The following C8orf34 variants were observed in gnomAD, a reference collection of about 807,000 sequenced individuals.
C8orf34 encodes the protein uncharacterized protein C8orf34.
C8orf34 carries 65 observed loss-of-function variants against 68.3 expected under a neutral mutation model. That is an observed-to-expected ratio of 0.95 (90% CI 0.78 to 1.17). C8orf34 has a LOEUF of 1.17. Among genes scored for constraint, C8orf34 ranks in the 50% most tolerant of loss-of-function variants. The probability of loss-of-function intolerance (pLI) is 0.00; values close to 1 mark genes in which losing one functional copy is unlikely to be tolerated. For synonymous variants in C8orf34, 244 were observed against 241.2 expected (o/e 1.01, Z -0.11); for missense variants, 664 against 655.4 (o/e 1.01, Z -0.14).
intron 7 of C8orf34, among the ~76,000 whole-genome samples, chr8:68,609,986 T>C (rs1817969047): frequency 6.6e-6 from 1 of 152,104 alleles, no homozygotes; most frequent in South Asian, 2.1e-4. Flanking sequence ...TAGGGATAGA[T>C]AAGGGCTGAG....
Position 68,337,896 on chromosome 8 carries a change from A to G in C8orf34, c.327+6557A>G, listed in dbSNP as rs1238877090. Among the ~76,000 whole-genome samples the G allele has an allele frequency of 2.6e-5, 4 of 152,354 alleles. No individual in the cohort carries two copies. In the East Asian group the frequency reaches 5.8e-4, roughly 22 times the overall value. On this transcript the variant is annotated intron_variant, in intron 1 of 13. Transcript: ENST00000518698. ...TGAAATATCTGAAAAAAATATTTAA[A>G]CAATAAATGCACAAGAGTGCTGGAA...
intron 7 of C8orf34, among the ~76,000 whole-genome samples, chr8:68,562,486 T>TA (rs780893257): frequency 7.9e-5 from 12 of 152,208 alleles, no homozygotes; most frequent in Non-Finnish European, 1.8e-4. Flanking sequence ...TATCAACCTC[T>TA]GAGATTATTT....
At chr8:68,692,369 T>C (rs55691147) in intron 8 of C8orf34, among the ~76,000 whole-genome samples, 11,197 of 152,106 alleles carry the variant, frequency 0.074, 603 homozygotes, top group African/African-American at 0.15. Flanking sequence ...TTTTTTGTAA[T>C]AATACCAAAC....
intron 10 of C8orf34, 141 bp downstream of exon 10, chr8:68,721,578 A>G (rs958019007): frequency 8.3e-6 from 5 of 601,574 alleles, no homozygotes; most frequent in African/African-American, 7.5e-5. Context: ...CAGTTGGGGA[A>G]GAAGACTTGA....
chr8:68,635,773 G>T (rs1818821526), intron 7 of C8orf34, among the ~76,000 whole-genome samples: 1 of 152,146 alleles, frequency 6.6e-6, no homozygotes, highest in African/African-American at 2.4e-5. Context: ...AATGTTAAAA[G>T]GTTGTTATAT....
At chr8:68,419,908 G>A (rs1383528654) in intron 1 of C8orf34, among the ~76,000 whole-genome samples, 3 of 148,518 alleles carry the variant, frequency 2.0e-5, no homozygotes, top group Admixed American at 1.4e-4. Flanking sequence ...CAGCACACCA[G>A]CATGGCACAT....
intron 12 of C8orf34, among the ~76,000 whole-genome samples, chr8:68,802,159 G>T (rs900752612): frequency 2.0e-5 from 3 of 151,956 alleles, no homozygotes; most frequent in Non-Finnish European, 4.4e-5. Flanking sequence ...GGAATGGAAT[G>T]GTGCAATCTT....
At chr8:68,740,181 G>A (rs985311186) in intron 10 of C8orf34, among the ~76,000 whole-genome samples, 4 of 152,022 alleles carry the variant, frequency 2.6e-5, no homozygotes, top group East Asian at 3.9e-4. Context: ...TACCATTCTC[G>A]ACACAGAAAC....
chr8:68,599,524 A>G (rs1817639423), intron 7 of C8orf34, among the ~76,000 whole-genome samples: 2 of 152,062 alleles, frequency 1.3e-5, no homozygotes, highest in Admixed American at 6.6e-5. Flanking sequence ...ATGTGAAAAA[A>G]AAAGTCTAGA....
chr8:68,776,471 T>C, intron 11 of C8orf34, 22 bp downstream of exon 11: 2 of 1,593,954 alleles, frequency 1.3e-6, no homozygotes, highest in Non-Finnish European at 1.7e-6. Context: ...GGTTGCTTTA[T>C]AATGTAGTCT....
chr8:68,535,754 C>T, intron 7 of C8orf34: 1 of 952,360 alleles, frequency 1.1e-6, no homozygotes, highest in Non-Finnish European at 1.2e-6. Flanking sequence ...TTAAATGCTC[C>T]TTATAAATTC....
intron 9 of C8orf34, 107 bp downstream of exon 9, chr8:68,709,186 T>C: frequency 2.5e-6 from 2 of 799,746 alleles, no homozygotes; most frequent in Non-Finnish European, 4.2e-6. Flanking sequence ...ATGAATTCAC[T>C]GCAGCTGCAC....
intron 8 of C8orf34, among the ~76,000 whole-genome samples, chr8:68,691,969 ACT>A (rs756418399): frequency 3.3e-5 from 5 of 151,952 alleles, no homozygotes; most frequent in East Asian, 1.9e-4. Context: ...GTGAGGGGAG[ACT>A]CTTTCTGTGA....
At chr8:68,669,496 A>G (rs780333530) in intron 8 of C8orf34, among the ~76,000 whole-genome samples, 2 of 152,242 alleles carry the variant, frequency 1.3e-5, no homozygotes, top group Non-Finnish European at 2.9e-5. Flanking sequence ...AAAGGAGAGT[A>G]GGATGGCTCA....
chr8:68,380,842 C>T (rs554089410), intron 1 of C8orf34, among the ~76,000 whole-genome samples: 2 of 152,306 alleles, frequency 1.3e-5, no homozygotes, highest in African/African-American at 2.4e-5. Context: ...ATTTACCACA[C>T]ATTCATGTAT....
intron 1 of C8orf34, among the ~76,000 whole-genome samples, chr8:68,355,253 C>A (rs1806699023): frequency 6.6e-6 from 1 of 152,092 alleles, no homozygotes; most frequent in Non-Finnish European, 1.5e-5. Context: ...ACCAAACACA[C>A]ACACAACAAG....
chr8:68,782,032 A>G (rs998842480), intron 11 of C8orf34, among the ~76,000 whole-genome samples: 3 of 152,222 alleles, frequency 2.0e-5, no homozygotes, highest in African/African-American at 4.8e-5. Context: ...AAATTTTAGT[A>G]TTTCAATCAA....
At chr8:68,723,672 A>T (rs1461683721) in intron 10 of C8orf34, among the ~76,000 whole-genome samples, 2 of 152,142 alleles carry the variant, frequency 1.3e-5, no homozygotes, top group Admixed American at 1.3e-4. Flanking sequence ...ATCAGCTGTG[A>T]ATTCCACAAA....
intron 7 of C8orf34, among the ~76,000 whole-genome samples, chr8:68,632,339 C>T (rs1407932908): frequency 6.6e-6 from 1 of 152,078 alleles, no homozygotes; most frequent in Non-Finnish European, 1.5e-5. Flanking sequence ...AATTTCTAAG[C>T]AGCAAAGCAT....
Sources: allele counts gnomAD v4.1 joint callset (sites outside exome capture counted in the v4.1 genomes callset), GRCh38; gene constraint gnomAD v4.1.1; transcripts MANE v1.5; gene names NCBI Gene and HGNC (gene_info 2026-07-23, HGNC 2026-07-21).